The following EDIL3 variants were observed in gnomAD, a reference collection of about 807,000 sequenced individuals.
EDIL3 encodes EGF-like repeat and discoidin I-like domain-containing protein 3.
A neutral mutation model predicts 67.4 loss-of-function variants in EDIL3; 37 were observed. The ratio of observed to expected loss-of-function variants is 0.55; its 90% CI spans 0.42 to 0.72. The LOEUF is 0.72. Ranked by LOEUF, EDIL3 falls within the 30% of genes least tolerant of loss-of-function variation. The pLI is 0.00. For missense variants in EDIL3, 527 were observed against 586.3 expected, an observed-to-expected ratio of 0.90 and a Z score of 1.04; for synonymous variants, 195 against 196.3, an observed-to-expected ratio of 0.99 and a Z score of 0.05.
intron 2 of EDIL3, among the ~76,000 whole-genome samples, chr5:84,252,493 C>CAAAAAAAAAAAAAAAAAAA (rs70975548): frequency 0.022 from 623 of 28,924 alleles, 142 homozygotes; most frequent in East Asian, 0.074. Flanking sequence ...GACTCCGTCT[C>CAAAAAAAAAAAAAAAAAAA]AAAAAAAAAA....
At chr5:84,305,656 G>GCGA (rs1746251437) in intron 1 of EDIL3, among the ~76,000 whole-genome samples, 1 of 152,154 alleles carries the variant, frequency 6.6e-6, no homozygotes, top group Admixed American at 6.5e-5. Context: ...AAGACGCGCG[G>GCGA]CTCACAAGAT....
chr5:84,305,784 C>T (rs1746254200), intron 1 of EDIL3, among the ~76,000 whole-genome samples: 1 of 152,046 alleles, frequency 6.6e-6, no homozygotes, highest in South Asian at 2.1e-4. Flanking sequence ...GAGGCTGAGG[C>T]AGGAGAATTG....
intron 1 of EDIL3, among the ~76,000 whole-genome samples, chr5:84,337,532 G>A (rs1747013823): frequency 6.6e-6 from 1 of 151,998 alleles, no homozygotes; most frequent in Admixed American, 6.6e-5. Context: ...CAGGGGACTG[G>A]TTCTGAAACT....
intron 6 of EDIL3, among the ~76,000 whole-genome samples, chr5:84,070,775 T>C (rs1746727284): frequency 6.6e-6 from 1 of 152,064 alleles, no homozygotes; most frequent in Admixed American, 6.6e-5. Flanking sequence ...AACAGAACAT[T>C]GCTGAGCAGG....
At chr5:84,158,464 T>C (rs1220787213) in intron 4 of EDIL3, among the ~76,000 whole-genome samples, 1 of 152,056 alleles carries the variant, frequency 6.6e-6, no homozygotes, top group East Asian at 1.9e-4. Flanking sequence ...TGAATTATCC[T>C]ACAAAATAGA....
rs146713532 is a variant in EDIL3, at chr5:84,205,482, T to C, written c.226+24373A>G. ...GCAATAGCCAAAATATTTAAAATCA[T>C]GTAAGTGAGCTGTGTCCACTTGAAA... On this transcript the variant is annotated intron_variant, in intron 3 of 10. Transcript: ENST00000296591. Among the ~76,000 whole-genome samples, 78 of 152,340 alleles carry C rather than the reference T, an allele frequency of 5.1e-4. 1 individual carries two copies. The East Asian group carries it at 9.6e-3, about 19-fold the overall frequency.
rs539961530 is a variant in EDIL3, at chr5:84,055,689, A to C, written c.1137+4611T>G. On this transcript the variant is annotated intron_variant, in intron 9 of 10. Transcript: ENST00000296591. ...TTCTCAAAAGAAGACATTTATGCAG[A>C]CAAAAAACACATGAAAAAATGGCTC... is the stretch of plus-strand genomic sequence containing the variant. Among the ~76,000 whole-genome samples, 93 of 152,300 alleles carry C rather than the reference A, an allele frequency of 6.1e-4. 1 individual carries two copies. The East Asian group carries it at 0.017, about 28-fold the overall frequency.
intron 1 of EDIL3, among the ~76,000 whole-genome samples, chr5:84,376,152 T>G (rs759005070): frequency 6.6e-6 from 1 of 152,184 alleles, no homozygotes; most frequent in Admixed American, 6.5e-5. Flanking sequence ...CTCATTTATA[T>G]TTCAATAATA....
At chr5:84,043,572 G>A (rs1276060434) in intron 9 of EDIL3, among the ~76,000 whole-genome samples, 2 of 152,218 alleles carry the variant, frequency 1.3e-5, no homozygotes, top group African/African-American at 4.8e-5. Context: ...TCTATGTGAT[G>A]TCAGCCACAG....
intron 1 of EDIL3, among the ~76,000 whole-genome samples, chr5:84,266,213 A>G (rs1745342032): frequency 6.6e-6 from 1 of 152,202 alleles, no homozygotes; most frequent in Admixed American, 6.5e-5. Context: ...TATTCTATCA[A>G]TAGCCTCACT....
intron 9 of EDIL3, among the ~76,000 whole-genome samples, chr5:84,036,713 C>T (rs1173730125): frequency 6.6e-6 from 1 of 152,156 alleles, no homozygotes; most frequent in African/African-American, 2.4e-5. Context: ...ATTGTAAAAC[C>T]TTAGCTCTGT....
chr5:84,333,962 G>A lies in EDIL3; in HGVS notation c.67+50346C>T, dbSNP rs200552414. ...ATAATTGTACAAAATATGTCTTCCTGTCCAGAAGGTCAAAAGTAGGTACCA... is the reference window on the plus strand; with the variant it reads ...ATAATTGTACAAAATATGTCTTCCTATCCAGAAGGTCAAAAGTAGGTACCA... On this transcript the variant is annotated intron_variant, in intron 1 of 10. Transcript: ENST00000296591. 1.4e-4 allele frequency among the ~76,000 whole-genome samples: 21 copies of A among 152,124 alleles called. No homozygotes were observed. In the East Asian group the frequency reaches 3.3e-3, roughly 24 times the overall value.
At chr5:84,143,475 T>C (rs182815780) in intron 4 of EDIL3, among the ~76,000 whole-genome samples, 39 of 152,256 alleles carry the variant, frequency 2.6e-4, no homozygotes, top group African/African-American at 8.9e-4. Context: ...TCATATTCTC[T>C]GTCCATCTCT....
chr5:84,217,721 A>AACAC (rs61264723), intron 3 of EDIL3, among the ~76,000 whole-genome samples: 37,141 of 134,710 alleles, frequency 0.28, 5,069 homozygotes, highest in Middle Eastern at 0.34. Context: ...TATACACACA[A>AACAC]ACACACACAC....
chr5:84,128,920 TG>T (rs751116801), intron 5 of EDIL3, among the ~76,000 whole-genome samples: 10 of 152,186 alleles, frequency 6.6e-5, no homozygotes, highest in Non-Finnish European at 1.2e-4. Context: ...TCTTACGGAA[TG>T]TTTCAGTAAT....
At chr5:84,202,147 T>C (rs1255303530) in intron 3 of EDIL3, among the ~76,000 whole-genome samples, 3 of 152,110 alleles carry the variant, frequency 2.0e-5, no homozygotes, top group Non-Finnish European at 4.4e-5. Context: ...ATGCAAGAAG[T>C]AATATGTGCC....
chr5:84,128,059 A>G (rs147050083), intron 5 of EDIL3, among the ~76,000 whole-genome samples: 2 of 152,228 alleles, frequency 1.3e-5, no homozygotes, highest in East Asian at 1.9e-4. Context: ...CAAAACATGT[A>G]TTTGGCTTTA....
chr5:84,129,599 C>A (rs1390142408), intron 5 of EDIL3, among the ~76,000 whole-genome samples: 1 of 151,902 alleles, frequency 6.6e-6, no homozygotes, highest in Non-Finnish European at 1.5e-5. Flanking sequence ...TTAAATTAGC[C>A]AATGCTTTCA....
At chr5:84,078,086 A>T (rs1561424317) in intron 6 of EDIL3, among the ~76,000 whole-genome samples, 2 of 152,212 alleles carry the variant, frequency 1.3e-5, no homozygotes, top group East Asian at 3.9e-4. Flanking sequence ...GGGAATGTAA[A>T]CTAGCATAGC....
Sources: allele counts gnomAD v4.1 joint callset (sites outside exome capture counted in the v4.1 genomes callset), GRCh38; gene constraint gnomAD v4.1.1; transcripts MANE v1.5; gene names NCBI Gene and HGNC (gene_info 2026-07-23, HGNC 2026-07-21).